CALN1: variants seen among roughly 807,000 people sequenced by gnomAD.
CALN1 encodes calcium-binding protein 8.
CALN1 carries 17 observed loss-of-function variants against 30.6 expected under a neutral mutation model. The observed-to-expected ratio is 0.56, with a 90% confidence interval of 0.38 to 0.83. The LOEUF (loss-of-function observed/expected upper bound fraction) is 0.83, where lower values mean the gene tolerates loss of function less well. CALN1 is among the 40% of genes least tolerant of loss of function. The pLI, the probability that CALN1 is intolerant of heterozygous loss-of-function variation, is 0.00. For synonymous variants in CALN1, 156 were observed against 131.4 expected (o/e 1.19, Z -1.28); for missense variants, 291 against 354.9 (o/e 0.82, Z 1.45).
At chr7:71,933,196 G>A (rs1429277578) in intron 5 of CALN1, among the ~76,000 whole-genome samples, 1 of 152,118 alleles carries the variant, frequency 6.6e-6, no homozygotes, top group Non-Finnish European at 1.5e-5. Context: ...CCAGCCGTAT[G>A]TACAGTAAGA....
intron 2 of CALN1, chr7:72,336,937 G>A (rs1417676485): frequency 6.1e-6 from 6 of 984,922 alleles, no homozygotes; most frequent in Admixed American, 1.2e-4. Flanking sequence ...GCCGGGACCT[G>A]CACGAGCCCC....
intron 6 of CALN1, among the ~76,000 whole-genome samples, chr7:71,798,153 GAGAGA>G (rs1267288200): frequency 4.2e-5 from 6 of 143,082 alleles, no homozygotes; most frequent in African/African-American, 1.3e-4. Flanking sequence ...GAGAGAGAGA[GAGAGA>G]GAGAGAGAGA....
intron 1 of CALN1, among the ~76,000 whole-genome samples, chr7:72,429,838 A>G (rs761172990): frequency 1.3e-5 from 2 of 150,680 alleles, no homozygotes; most frequent in African/African-American, 2.4e-5. Context: ...TATATATTTG[A>G]GATGGAGTCT....
At chr7:71,857,134 G>T (rs1791006688) in intron 5 of CALN1, among the ~76,000 whole-genome samples, 1 of 150,846 alleles carries the variant, frequency 6.6e-6, no homozygotes, top group African/African-American at 2.4e-5. Context: ...TTTTAAAAAA[G>T]AATCAGAAAT....
chr7:71,908,409 G>C (rs183862379), intron 5 of CALN1, among the ~76,000 whole-genome samples: 1 of 152,130 alleles, frequency 6.6e-6, no homozygotes, highest in African/African-American at 2.4e-5. Context: ...CTTTCAATGC[G>C]AAGTGAAGAC....
chr7:72,330,736 C>A (rs1449104535), intron 2 of CALN1, among the ~76,000 whole-genome samples: 1 of 152,190 alleles, frequency 6.6e-6, no homozygotes, highest in Non-Finnish European at 1.5e-5. Context: ...AAGTAACCTA[C>A]TTAAATAGGT....
In CALN1 at chr7:72,163,717, T is replaced by C. The variant is rs73701698; in HGVS notation, c.245-57423A>G. 8.5e-3 allele frequency among the ~76,000 whole-genome samples: 1,293 copies of C among 152,210 alleles called. 17 individuals are homozygous for C. The highest frequency in any genetic ancestry group is 0.028 in the African/African-American group (1,173 of 41,550). On this transcript the variant is annotated intron_variant, in intron 3 of 6. Transcript: ENST00000395275. ...ATCAACGAATTTGAAGACAGATCAA[T>C]AGAAATCATCCAATCTGAAGAACAG... is the stretch of plus-strand genomic sequence containing the variant.
intron 3 of CALN1, among the ~76,000 whole-genome samples, chr7:72,174,467 ATTAC>A (rs1043469301): frequency 6.6e-6 from 1 of 152,162 alleles, no homozygotes; most frequent in African/African-American, 2.4e-5. Context: ...ATTTTTGACT[ATTAC>A]TTATAATAGT....
At chr7:72,181,111 A>AC (rs1789771563) in intron 3 of CALN1, among the ~76,000 whole-genome samples, 4 of 35,970 alleles carry the variant, frequency 1.1e-4, no homozygotes, top group South Asian at 1.6e-3. Context: ...CCCCCCCCCC[A>AC]AAAAAAAAAA....
chr7:71,822,502 C>T, intron 5 of CALN1, among the ~76,000 whole-genome samples: 1 of 152,214 alleles, frequency 6.6e-6, no homozygotes, highest in East Asian at 1.9e-4. Context: ...CCCGTCTTGG[C>T]CTCCCAAAGT....
intron 4 of CALN1, among the ~76,000 whole-genome samples, chr7:72,057,826 T>C (rs1448006179): frequency 2.0e-5 from 3 of 152,184 alleles, no homozygotes; most frequent in Non-Finnish European, 2.9e-5. Context: ...CGTTTCTGTA[T>C]TGGCATGAAA....
the CALN1 span, among the ~76,000 whole-genome samples, chr7:72,461,203 A>T: frequency 6.6e-6 from 1 of 152,136 alleles, no homozygotes; most frequent in African/African-American, 2.4e-5. Context: ...ACAATTATAC[A>T]CTGTTGGTGG....
At chr7:72,215,231 T>C (rs1284997536) in intron 3 of CALN1, among the ~76,000 whole-genome samples, 1 of 152,092 alleles carries the variant, frequency 6.6e-6, no homozygotes, top group Non-Finnish European at 1.5e-5. Context: ...CACCACACCA[T>C]GTCACCTCTC....
intron 1 of CALN1, among the ~76,000 whole-genome samples, chr7:72,410,596 T>C (rs970241293): frequency 6.6e-6 from 1 of 152,186 alleles, no homozygotes; most frequent in South Asian, 2.1e-4. Context: ...AAGTGAGACT[T>C]CTCAGGAGCC....
chr7:72,132,929 CA>C (rs1483675744), intron 3 of CALN1, among the ~76,000 whole-genome samples: 3 of 152,142 alleles, frequency 2.0e-5, no homozygotes, highest in African/African-American at 7.2e-5. Flanking sequence ...CATCTCCTAT[CA>C]GATCAGCAGC....
At chr7:72,409,791 AT>A (rs1180627535) in intron 1 of CALN1, among the ~76,000 whole-genome samples, 1 of 152,088 alleles carries the variant, frequency 6.6e-6, no homozygotes, top group Non-Finnish European at 1.5e-5. Flanking sequence ...CGAAGACCCA[AT>A]TCAAAGAATC....
At chr7:71,803,681 G>A (rs999545857) in intron 6 of CALN1, among the ~76,000 whole-genome samples, 1 of 152,004 alleles carries the variant, frequency 6.6e-6, no homozygotes, top group Non-Finnish European at 1.5e-5. Context: ...CGCCATGTTG[G>A]CCAGGCTGGT....
rs553281969 is a variant in CALN1, at chr7:71,993,434, C to G, written c.501+30223G>C. 5.4e-4 allele frequency among the ~76,000 whole-genome samples: 82 copies of G among 150,784 alleles called. 2 individuals are homozygous for G. The highest frequency in any genetic ancestry group is 4.6e-3 in the Admixed American group (70 of 15,090). ...TGAGCTATGATTGCACCGCTGCACC[C>G]CAGCCTGGGCAACAATGAGGCTTTT... On this transcript the variant is annotated intron_variant, in intron 5 of 6. Coordinates refer to ENST00000395275, the MANE Select transcript of CALN1 (RefSeq NM_031468.4).
chr7:71,915,687 T>TCA (rs1233164356), intron 5 of CALN1, among the ~76,000 whole-genome samples: 1 of 151,990 alleles, frequency 6.6e-6, no homozygotes, highest in Non-Finnish European at 1.5e-5. Flanking sequence ...TGAGCCAAGA[T>TCA]CGCTGCATTG....
Sources: gnomAD v4.1 joint callset for allele counts (sites outside exome capture counted in the v4.1 genomes callset) on GRCh38, gnomAD v4.1.1 for gene constraint, MANE v1.5 for transcripts, NCBI Gene and HGNC (gene_info 2026-07-23, HGNC 2026-07-21) for gene names.